Variants in DKK3 observed in about 807,000 individuals in gnomAD.
The protein encoded by DKK3 is dickkopf-related protein 3.
A neutral mutation model predicts 33.2 loss-of-function variants in DKK3; 22 were observed. The observed-to-expected ratio is 0.66, with a 90% confidence interval of 0.47 to 0.95. The LOEUF (loss-of-function observed/expected upper bound fraction) is 0.95, where lower values mean the gene tolerates loss of function less well. Among genes scored for constraint, DKK3 ranks in the 40% least tolerant of loss-of-function variants. The pLI is 0.00. For synonymous variants in DKK3, 194 were observed against 188.8 expected, an observed-to-expected ratio of 1.03 and a Z score of -0.23; for missense variants, 398 against 458.4, an observed-to-expected ratio of 0.87 and a Z score of 1.20.
intron 3 of DKK3, 150 bp downstream of exon 3, chr11:11,998,546 A>G (rs1054000286): frequency 2.7e-6 from 2 of 736,650 alleles, no homozygotes; most frequent in Non-Finnish European, 4.9e-6. Flanking sequence ...GTCTGGTCAG[A>G]AATGTAGGAA....
chr11:11,980,956 T>G (rs1334683571), intron 3 of DKK3, among the ~76,000 whole-genome samples: 1 of 152,070 alleles, frequency 6.6e-6, no homozygotes, highest in Non-Finnish European at 1.5e-5. Flanking sequence ...CCCCAAGACC[T>G]GCACTGAAAT....
chr11:11,964,789 C>A, intron 6 of DKK3, 103 bp from the exon 7 acceptor site: 1 of 1,526,004 alleles, frequency 6.6e-7, no homozygotes, highest in Non-Finnish European at 8.8e-7. Context: ...CACCTTCATG[C>A]CCCCTCCTCT....
rs141908463 is a variant in DKK3, at chr11:11,963,295, C to A, written c.*1169G>T. The A allele has an allele frequency of 1.3e-5, 2 of 152,568 alleles. No individual in the cohort carries two copies. The highest frequency in any genetic ancestry group is 2.9e-5 in the Non-Finnish European group (2 of 68,048). The allele number at this position is 152,568 out of a possible 1,614,324, so 9.5% of individuals were successfully genotyped here. On this transcript the variant is annotated 3_prime_UTR_variant, in exon 7 of 7. Transcript: ENST00000683431. Reference sequence around the variant, plus strand: ...GTGGAGTGGCGTAGAGTTCAGTGTTCGCAGTCGCATATTACAACCATGTTT... The same window carrying A: ...GTGGAGTGGCGTAGAGTTCAGTGTTAGCAGTCGCATATTACAACCATGTTT...
In DKK3 at chr11:11,964,641, A is replaced by G. The variant is rs1202877499; in HGVS notation, c.876T>C (p.Arg292=). The change falls in exon 7 of 7, where the codon CGT becomes CGC. Residue 292 remains arginine (R), a synonymous_variant. Transcript: ENST00000683431. The part of the protein sequence containing the change: ...YVCKPTFVGS[R]DQDGEILLPR... ...GCAGCAGGATCTCCCCATCTTGGTCACGGCTCCCCACGAAGGTCGGCTTGC... is the reference window on the plus strand; with the variant it reads ...GCAGCAGGATCTCCCCATCTTGGTCGCGGCTCCCCACGAAGGTCGGCTTGC... 1 of 1,614,106 alleles carries G rather than the reference A, an allele frequency of 6.2e-7. No individual in the cohort carries two copies. The highest frequency in any genetic ancestry group is 1.7e-5 in the Admixed American group (1 of 60,010).
chr11:11,970,259 T>C (rs1458130283), intron 3 of DKK3, among the ~76,000 whole-genome samples: 1 of 151,958 alleles, frequency 6.6e-6, no homozygotes. Context: ...CCTTAAGAAA[T>C]TCGTAATTCA....
chr11:11,973,155 G>C (rs1474858663), intron 3 of DKK3, among the ~76,000 whole-genome samples: 1 of 152,216 alleles, frequency 6.6e-6, no homozygotes, highest in Non-Finnish European at 1.5e-5. Flanking sequence ...AGGACCACTA[G>C]TGCCCGCCAC....
At chr11:11,995,853 T>A (rs7478978) in intron 3 of DKK3, among the ~76,000 whole-genome samples, 129,427 of 152,246 alleles carry the variant, frequency 0.85, 55,300 homozygotes, top group African/African-American at 0.94. Flanking sequence ...TGCAATAACA[T>A]GCTGCGGTGT....
At position 11,979,254 on chromosome 11, in the gene DKK3, C is replaced by G. The variant is rs531085189; in HGVS notation, c.436-10767G>C. Among the ~76,000 whole-genome samples, 21 of 152,342 alleles carry G rather than the reference C, an allele frequency of 1.4e-4. No homozygotes were observed. In the South Asian group the frequency reaches 3.9e-3, roughly 29 times the overall value. ...GGTGGGGAAGCCTTGGCAGGAGCAG[C>G]CCCCTGACAGCTGCTGCTGTATCTG... is the stretch of plus-strand genomic sequence containing the variant. On this transcript the variant is annotated intron_variant, in intron 3 of 6. Transcript: ENST00000683431.
At chr11:11,994,158 C>G (rs1472077275) in intron 3 of DKK3, among the ~76,000 whole-genome samples, 1 of 152,084 alleles carries the variant, frequency 6.6e-6, no homozygotes, top group African/African-American at 2.4e-5. Context: ...CGCATCTCCC[C>G]CCAGTCTCAT....
intron 6 of DKK3, among the ~76,000 whole-genome samples, chr11:11,965,504 A>C (rs1369263852): frequency 1.3e-5 from 2 of 152,100 alleles, no homozygotes; most frequent in African/African-American, 4.8e-5. Context: ...TCATTGTGAC[A>C]GGTCTGGGGA....
intron 3 of DKK3, chr11:11,979,695 T>C (rs1424001432): frequency 2.6e-5 from 4 of 152,430 alleles, no homozygotes; most frequent in African/African-American, 7.2e-5. Flanking sequence ...CCTCATCCTA[T>C]GCACAATGTG....
At chr11:11,996,383 A>C (rs1195857896) in intron 3 of DKK3, among the ~76,000 whole-genome samples, 1 of 152,214 alleles carries the variant, frequency 6.6e-6, no homozygotes, top group East Asian at 1.9e-4. Flanking sequence ...AGGAATAGGA[A>C]GGTGGTTGAA....
chr11:11,990,032 A>C lies in DKK3; in HGVS notation c.435+8664T>G, dbSNP rs140306902. Among the ~76,000 whole-genome samples the C allele has an allele frequency of 2.3e-3, 347 of 152,324 alleles. 1 individual carries two copies. The highest frequency in any genetic ancestry group is 8.0e-3 in the African/African-American group (332 of 41,564). On this transcript the variant is annotated intron_variant, in intron 3 of 6. Transcript: ENST00000683431. ...TGTAGCCCTTGATGTTATTTTAAAAACAAAACAAAATGGACTCAATGAGTT... is the reference window on the plus strand; with the variant it reads ...TGTAGCCCTTGATGTTATTTTAAAACCAAAACAAAATGGACTCAATGAGTT...
chr11:11,982,787 C>T (rs1450958013), intron 3 of DKK3, among the ~76,000 whole-genome samples: 2 of 152,358 alleles, frequency 1.3e-5, no homozygotes, highest in East Asian at 1.9e-4. Context: ...GAGCTTGTAT[C>T]TCTTCCCTCA....
chr11:11,986,040 G>A (rs747654613), intron 3 of DKK3, among the ~76,000 whole-genome samples: 2 of 152,106 alleles, frequency 1.3e-5, no homozygotes, highest in African/African-American at 2.4e-5. Context: ...CTGCTCGTGG[G>A]GCTGAGCCTA....
intron 2 of DKK3, among the ~76,000 whole-genome samples, chr11:12,001,375 A>T (rs767610648): frequency 6.6e-6 from 1 of 152,240 alleles, no homozygotes; most frequent in African/African-American, 2.4e-5. Flanking sequence ...GCAACGGCAC[A>T]TAAAAATTGA....
intron 3 of DKK3, among the ~76,000 whole-genome samples, chr11:11,993,512 G>A (rs1201510969): frequency 1.3e-5 from 2 of 152,060 alleles, no homozygotes; most frequent in Non-Finnish European, 2.9e-5. Context: ...TTGAGGTTGA[G>A]GAGAGTACAA....
At chr11:11,972,434 G>A (rs1847743645) in intron 3 of DKK3, among the ~76,000 whole-genome samples, 1 of 152,226 alleles carries the variant, frequency 6.6e-6, no homozygotes, top group South Asian at 2.1e-4. Flanking sequence ...TCCTGAGGGT[G>A]TCAAACAGGT....
chr11:11,964,379 C>A lies in DKK3; in HGVS notation c.*85G>T. The stretch of plus-strand genomic sequence containing the variant: ...ACTGGGAAGAAGATGTAGGAAGAAG[C>A]CTGGTCAGCCCACGCCTAAAGCACA... On this transcript the variant is annotated 3_prime_UTR_variant, in exon 7 of 7. Transcript: ENST00000683431. 1.3e-6 allele frequency: 2 copies of A among 1,505,728 alleles called. No homozygotes were observed. Among genetic ancestry groups the A allele is most frequent in the Non-Finnish European group, 8.9e-7 (1 of 1,123,652 alleles). The allele number at this position is 1,505,728 out of a possible 1,614,324, so 93.3% of individuals were successfully genotyped here. A position where few individuals can be genotyped will look rare whatever the true frequency, so the allele number is the denominator to read the frequency against.
Sources: gnomAD v4.1 joint callset for allele counts (sites outside exome capture counted in the v4.1 genomes callset) on GRCh38, gnomAD v4.1.1 for gene constraint, MANE v1.5 for transcripts, NCBI Gene and HGNC (gene_info 2026-07-23, HGNC 2026-07-21) for gene names.